Variants in PLBD1 observed in about 807,000 individuals in gnomAD.
The protein encoded by PLBD1 is phospholipase B domain containing 1, also known as lysosomal leucine aminopeptidase.
Under a neutral mutation model 63.0 loss-of-function variants are expected in PLBD1, and 60 were observed. The ratio of observed to expected loss-of-function variants is 0.95; its 90% CI spans 0.77 to 1.18. The LOEUF (loss-of-function observed/expected upper bound fraction) is 1.18. Among genes scored for constraint, PLBD1 ranks in the 50% most tolerant of loss-of-function variants. The probability of loss-of-function intolerance (pLI) is 0.00; values close to 1 mark genes in which losing one functional copy is unlikely to be tolerated. For missense variants in PLBD1, 598 were observed against 677.9 expected (o/e 0.88, Z 1.31); for synonymous variants, 262 against 248.0 (o/e 1.06, Z -0.53).
At chr12:14,525,086 A>G (rs1406074608) in intron 6 of PLBD1, among the ~76,000 whole-genome samples, 2 of 152,126 alleles carry the variant, frequency 1.3e-5, no homozygotes, top group East Asian at 3.9e-4. Context: ...AACATGGTGA[A>G]ACTTCATCTC....
chr12:14,520,178 G>T lies in PLBD1; in HGVS notation c.845-8467C>A, dbSNP rs138757632. Among the ~76,000 whole-genome samples, 7 of 152,354 alleles carry T rather than the reference G, an allele frequency of 4.6e-5. No individual in the cohort carries two copies. In the East Asian group the frequency reaches 1.3e-3, roughly 29 times the overall value. The stretch of plus-strand genomic sequence containing the variant: ...CACTGCCAGGGTTCCCAACTCATAT[G>T]CAGCTCAAATTCCTCAGGCTCTCAG... On this transcript the variant is annotated intron_variant, in intron 6 of 10. Transcript: ENST00000240617.
In PLBD1 at chr12:14,553,335, C is replaced by T. The variant is rs1171219498; in HGVS notation, c.193G>A (p.Asp65Asn). 6.2e-7 allele frequency: 1 copy of T among 1,614,192 alleles called. No individual in the cohort carries two copies. The highest frequency in any genetic ancestry group is 8.5e-7 in the Non-Finnish European group (1 of 1,180,026). Residue 65 changes from aspartate to asparagine, a missense_variant, in exon 2 of 11, where the codon GAC (aspartate) becomes AAC (asparagine). By Grantham distance (23) the Asp-to-Asn change is conservative. Coordinates refer to ENST00000240617, the MANE Select transcript of PLBD1 (RefSeq NM_024829.6). ...GAGTTATTGTAAAAGCCATAGGCGT[C>T]CCCATTCTTGTCCATTACATTTTTG... ...QVKNVMDKNG[D>N]AYGFYNNSVK...
At chr12:14,506,400 C>G in intron 9 of PLBD1, 132 bp from the exon 10 acceptor site, 2 of 639,474 alleles carry the variant, frequency 3.1e-6, no homozygotes, top group East Asian at 2.9e-5. Context: ...TCAGCCCAGT[C>G]TGCTTCCAGA....
chr12:14,540,964 A>G, intron 3 of PLBD1, 62 bp from the exon 4 acceptor site: 1 of 1,473,740 alleles, frequency 6.8e-7, no homozygotes, highest in Non-Finnish European at 9.2e-7. Context: ...GCTAAATCAA[A>G]GCAGGCATTG....
At chr12:14,561,546 C>T (rs972746579) in intron 1 of PLBD1, among the ~76,000 whole-genome samples, 1 of 152,110 alleles carries the variant, frequency 6.6e-6, no homozygotes, top group African/African-American at 2.4e-5. Context: ...ACGTGGCCAC[C>T]TGGATCCCCA....
intron 6 of PLBD1, among the ~76,000 whole-genome samples, chr12:14,532,286 AAAAGGCCTCAGAGGGGCCAGGCCTAGCCC>A (rs1945471746): frequency 6.6e-6 from 1 of 152,180 alleles, no homozygotes; most frequent in Non-Finnish European, 1.5e-5. Flanking sequence ...CAAGGTTCTC[AAAAGGCCTCAGAGGGGCCAGGCCTAGCCC>A]GCCCCAAGGA....
intron 6 of PLBD1, among the ~76,000 whole-genome samples, chr12:14,512,954 C>G (rs578183329): frequency 6.6e-6 from 1 of 152,266 alleles, no homozygotes; most frequent in Admixed American, 6.5e-5. Context: ...GAACTGTGAG[C>G]AATAACATTT....
chr12:14,559,174 A>G (rs1945728564), intron 1 of PLBD1, among the ~76,000 whole-genome samples: 1 of 152,234 alleles, frequency 6.6e-6, no homozygotes, highest in African/African-American at 2.4e-5. Flanking sequence ...GTAGAAAAAT[A>G]GTACATAATT....
chr12:14,556,938 C>T (rs948255464), intron 1 of PLBD1, among the ~76,000 whole-genome samples: 32 of 134,198 alleles, frequency 2.4e-4, no homozygotes, highest in Admixed American at 1.9e-3. Context: ...GAGCCGAGAT[C>T]GTGCTATTTG....
At chr12:14,565,472 TA>T (rs536473852) in intron 1 of PLBD1, among the ~76,000 whole-genome samples, 415 of 130,514 alleles carry the variant, frequency 3.2e-3, no homozygotes, top group Middle Eastern at 0.016. Context: ...GAAATAATAG[TA>T]AAAAAAAAAA....
At chr12:14,505,586 G>A (rs1157340354) in intron 10 of PLBD1, among the ~76,000 whole-genome samples, 2 of 152,156 alleles carry the variant, frequency 1.3e-5, no homozygotes, top group Non-Finnish European at 2.9e-5. Flanking sequence ...ATGTCTATAA[G>A]CTGGCTTTAG....
At chr12:14,556,887 G>A (rs544621819) in intron 1 of PLBD1, among the ~76,000 whole-genome samples, 8 of 150,498 alleles carry the variant, frequency 5.3e-5, no homozygotes, top group African/African-American at 1.9e-4. Context: ...GGGAGGCTAG[G>A]GCAGGAGAAT....
chr12:14,514,350 T>C (rs1264145938), intron 6 of PLBD1, among the ~76,000 whole-genome samples: 1 of 152,218 alleles, frequency 6.6e-6, no homozygotes, highest in African/African-American at 2.4e-5. Flanking sequence ...CCCTGGTAGA[T>C]AATCCCTGTA....
In PLBD1 at chr12:14,542,279, G is replaced by A. The variant is rs1487968974; in HGVS notation, c.348C>T (p.Asp116=). Residue 116 remains aspartate, a synonymous_variant, in exon 3 of 11, where the codon GAC becomes GAT. Transcript: ENST00000240617. ...EGYLTAPHMN[D]HYTNLYPQLI... ...GCTGTGGGTAGAGGTTTGTGTAGTG[G>A]TCATTCATGTGTCTGAAATGATACA... The A allele has an allele frequency of 6.2e-7, 1 of 1,604,748 alleles. No homozygotes were observed. The highest frequency in any genetic ancestry group is 1.7e-5 in the Admixed American group (1 of 59,990).
intron 10 of PLBD1, among the ~76,000 whole-genome samples, chr12:14,504,737 CG>C (rs1945238154): frequency 6.6e-6 from 1 of 152,120 alleles, no homozygotes; most frequent in Admixed American, 6.6e-5. Flanking sequence ...AATTGAGGGC[CG>C]TGGTTCTCAA....
At chr12:14,551,224 A>G (rs2136930183) in intron 2 of PLBD1, among the ~76,000 whole-genome samples, 1 of 151,578 alleles carries the variant, frequency 6.6e-6, no homozygotes, top group Non-Finnish European at 1.5e-5. Context: ...TTAGCTGGGT[A>G]TGGTGGCGCG....
intron 8 of PLBD1, 65 bp from the exon 9 acceptor site, chr12:14,507,183 A>G: frequency 1.6e-6 from 2 of 1,226,440 alleles, no homozygotes; most frequent in Admixed American, 2.2e-5. Flanking sequence ...AAGGAGAGAG[A>G]GCAAAAGAAA....
At chr12:14,538,295 G>C (rs1945536592) in intron 4 of PLBD1, among the ~76,000 whole-genome samples, 1 of 151,916 alleles carries the variant, frequency 6.6e-6, no homozygotes, top group Non-Finnish European at 1.5e-5. Context: ...CTGAGTTCAA[G>C]CAAATCTCCT....
chr12:14,547,893 A>T (rs913959891), intron 2 of PLBD1, among the ~76,000 whole-genome samples: 5 of 152,154 alleles, frequency 3.3e-5, no homozygotes, highest in Non-Finnish European at 5.9e-5. Flanking sequence ...CTCTGGGGCT[A>T]GATAGCCTCC....
Sources: allele counts gnomAD v4.1 joint callset (sites outside exome capture counted in the v4.1 genomes callset), GRCh38; gene constraint gnomAD v4.1.1; transcripts MANE v1.5; gene names NCBI Gene and HGNC (gene_info 2026-07-23, HGNC 2026-07-21).